Variants in LASP1 observed in about 807,000 individuals in gnomAD.
LASP1 encodes LIM and SH3 domain protein 1.
Under a neutral mutation model 38.6 loss-of-function variants are expected in LASP1, and 10 were observed. That is an observed-to-expected ratio of 0.26 (90% CI 0.16 to 0.44). The LOEUF is 0.44. Among genes scored for constraint, LASP1 ranks in the 20% least tolerant of loss-of-function variants. LASP1 has a pLI of 1.00. For synonymous variants in LASP1, 132 were observed against 140.8 expected, an observed-to-expected ratio of 0.94 and a Z score of 0.44; for missense variants, 243 against 375.7, an observed-to-expected ratio of 0.65 and a Z score of 2.92.
chr17:38,920,310 A>G lies in LASP1; in HGVS notation c.*1532A>G, dbSNP rs1915264953. 6.1e-5 allele frequency: 24 copies of G among 390,390 alleles called. 2 individuals carry two copies. In the South Asian group the frequency reaches 6.6e-4, roughly 11 times the overall value. The allele number at this position is 390,390 out of a possible 1,614,324, so 24.2% of individuals were successfully genotyped here. ...GGCTCTTCCCCTAGACCTCCCCCTC[A>G]CTTACATAAAGCTCCCTTGAAGCAA... On this transcript the variant is annotated 3_prime_UTR_variant, in exon 7 of 7. Coordinates refer to ENST00000318008, the MANE Select transcript of LASP1 (RefSeq NM_006148.4).
At position 38,882,145 on chromosome 17, in the gene LASP1, C is replaced by G. The variant is rs369253428; in HGVS notation, c.164+3965C>G. The stretch of plus-strand genomic sequence containing the variant: ...ACTGAATGGGCTGTGTTTGTGTTTC[C>G]ACCTTCAGGACTGCAGCCATGCAGC... On this transcript the variant is annotated intron_variant, in intron 2 of 6. Coordinates refer to ENST00000318008, the MANE Select transcript of LASP1 (RefSeq NM_006148.4). 1.8e-3 allele frequency among the ~76,000 whole-genome samples: 280 copies of G among 152,344 alleles called. 2 individuals are homozygous for G. The highest frequency in any genetic ancestry group is 6.5e-3 in the African/African-American group (269 of 41,578).
intron 1 of LASP1, among the ~76,000 whole-genome samples, chr17:38,877,310 G>C (rs980267835): frequency 1.5e-4 from 23 of 152,348 alleles, no homozygotes; most frequent in South Asian, 6.2e-4. Flanking sequence ...TACAGTTAGT[G>C]GGGTAGAGCT....
chr17:38,899,103 C>T (rs1914571599), intron 4 of LASP1: 1 of 292,062 alleles, frequency 3.4e-6, no homozygotes, highest in African/African-American at 2.2e-5. Context: ...GATCAACTGT[C>T]CCCAGCATCG....
intron 2 of LASP1, among the ~76,000 whole-genome samples, chr17:38,888,000 G>A (rs1461390189): frequency 6.6e-6 from 1 of 152,164 alleles, no homozygotes; most frequent in Non-Finnish European, 1.5e-5. Context: ...GGTGCAGCCT[G>A]TGAGTCAGGG....
intron 3 of LASP1, among the ~76,000 whole-genome samples, chr17:38,894,039 C>CA (rs1914416045): frequency 6.6e-6 from 1 of 152,126 alleles, no homozygotes; most frequent in African/African-American, 2.4e-5. Context: ...GTGTCTGGGA[C>CA]ACCTGGAGCC....
intron 3 of LASP1, among the ~76,000 whole-genome samples, chr17:38,897,326 G>A (rs1232406056): frequency 2.0e-5 from 3 of 152,342 alleles, no homozygotes; most frequent in Admixed American, 2.0e-4. Context: ...GCACAGCTCG[G>A]TGCTGCTGCC....
chr17:38,879,334 T>C (rs1444501136), intron 2 of LASP1, among the ~76,000 whole-genome samples: 1 of 151,766 alleles, frequency 6.6e-6, no homozygotes, highest in Non-Finnish European at 1.5e-5. Flanking sequence ...TTTTGTATTT[T>C]TTAGTAGAGA....
At chr17:38,887,931 C>G in intron 2 of LASP1, among the ~76,000 whole-genome samples, 1 of 152,152 alleles carries the variant, frequency 6.6e-6, no homozygotes, top group East Asian at 1.9e-4. Context: ...TCGAGTGTGT[C>G]AGTTTTGGGT....
In LASP1 at chr17:38,914,483, C is replaced by T. The variant is rs753430581; in HGVS notation, c.508+8C>T. 9.4e-6 allele frequency: 15 copies of T among 1,593,086 alleles called. No homozygotes were observed. In the East Asian group the frequency reaches 2.0e-4, roughly 21 times the overall value. On this transcript the variant is annotated splice_region_variant and intron_variant, in intron 5 of 6. Transcript: ENST00000318008. ...TCCCGACCAGTGCCCCGGGTGAGTG[C>T]AGGTCCTGTTGGTGCAGATGACCTG...
At chr17:38,915,015 C>T in intron 5 of LASP1, 28 bp from the exon 6 acceptor site, 2 of 1,608,730 alleles carry the variant, frequency 1.2e-6, no homozygotes, top group Non-Finnish European at 1.7e-6. Context: ...AGGACAGTTT[C>T]CAAGCCCTGT....
At chr17:38,877,434 G>A (rs1913813840) in intron 1 of LASP1, among the ~76,000 whole-genome samples, 1 of 152,180 alleles carries the variant, frequency 6.6e-6, no homozygotes, top group Non-Finnish European at 1.5e-5. Context: ...GGGTGGGAGA[G>A]GATGAGGGAA....
At chr17:38,873,218 C>G (rs1363006167) in intron 1 of LASP1, among the ~76,000 whole-genome samples, 2 of 152,102 alleles carry the variant, frequency 1.3e-5, no homozygotes, top group East Asian at 3.9e-4. Context: ...CTCTGCTTGT[C>G]TCAGCGCTCC....
At chr17:38,913,076 C>T (rs894240558) in intron 4 of LASP1, among the ~76,000 whole-genome samples, 1 of 152,138 alleles carries the variant, frequency 6.6e-6, no homozygotes, top group Non-Finnish European at 1.5e-5. Context: ...CCCTCCTGAC[C>T]TTGATGGCTA....
At chr17:38,901,743 T>A (rs1008893568) in intron 4 of LASP1, among the ~76,000 whole-genome samples, 2 of 152,092 alleles carry the variant, frequency 1.3e-5, no homozygotes, top group Admixed American at 6.6e-5. Flanking sequence ...AGGCTGTACC[T>A]CAGAACCCCA....
intron 4 of LASP1, among the ~76,000 whole-genome samples, chr17:38,906,026 C>T (rs567407028): frequency 6.6e-6 from 1 of 152,280 alleles, no homozygotes; most frequent in South Asian, 2.1e-4. Flanking sequence ...CGCCACCGCA[C>T]TCCAGCCTTG....
At chr17:38,880,915 C>A (rs988196319) in intron 2 of LASP1, among the ~76,000 whole-genome samples, 2 of 152,096 alleles carry the variant, frequency 1.3e-5, no homozygotes, top group Non-Finnish European at 2.9e-5. Flanking sequence ...ATCAGCCTGG[C>A]CAACATGGTG....
chr17:38,904,666 A>G (rs1914730316), intron 4 of LASP1: 1 of 152,142 alleles, frequency 6.6e-6, no homozygotes, highest in African/African-American at 2.4e-5. Flanking sequence ...AGGGCCTACC[A>G]TTAGTTACAC....
chr17:38,878,410 T>G (rs1187205858), intron 2 of LASP1, among the ~76,000 whole-genome samples: 1 of 152,100 alleles, frequency 6.6e-6, no homozygotes, highest in Non-Finnish European at 1.5e-5. Context: ...ATGAGGAAAC[T>G]GGGGCTTAGG....
chr17:38,871,878 A>C (rs1913620489), intron 1 of LASP1, among the ~76,000 whole-genome samples: 1 of 151,966 alleles, frequency 6.6e-6, no homozygotes, highest in African/African-American at 2.4e-5. Context: ...TTGAGCTTAG[A>C]GCTATCAGAT....
Sources: allele counts gnomAD v4.1 joint callset (sites outside exome capture counted in the v4.1 genomes callset), GRCh38; gene constraint gnomAD v4.1.1; transcripts MANE v1.5; gene names NCBI Gene and HGNC (gene_info 2026-07-23, HGNC 2026-07-21).